Variants in ATP8A1 observed in about 807,000 individuals in gnomAD.
ATP8A1 encodes the protein ATPase phospholipid transporting 8A1.
Under a neutral mutation model 177.7 loss-of-function variants are expected in ATP8A1, and 90 were observed. The observed-to-expected ratio is 0.51, with a 90% confidence interval of 0.43 to 0.60. The LOEUF is 0.60. Among genes scored for constraint, ATP8A1 ranks in the 20% least tolerant of loss-of-function variants. The pLI is 0.00. For synonymous variants in ATP8A1, 493 were observed against 485.9 expected (o/e 1.01, Z -0.19); for missense variants, 1,072 against 1,392.8 (o/e 0.77, Z 3.67).
intron 6 of ATP8A1, 59 bp from the exon 7 acceptor site, chr4:42,590,943 A>C: frequency 7.1e-7 from 1 of 1,416,214 alleles, no homozygotes; most frequent in Non-Finnish European, 9.9e-7. Context: ...ACAGAGGAAA[A>C]AAAACAAACA....
intron 5 of ATP8A1, among the ~76,000 whole-genome samples, chr4:42,615,051 T>C (rs1736760687): frequency 6.6e-6 from 1 of 152,228 alleles, no homozygotes; most frequent in Non-Finnish European, 1.5e-5. Flanking sequence ...CTTTGTACTT[T>C]TACATGTTTT....
chr4:42,483,455 T>G (rs908411001), intron 25 of ATP8A1, among the ~76,000 whole-genome samples: 1 of 150,650 alleles, frequency 6.6e-6, no homozygotes, highest in Non-Finnish European at 1.5e-5. Context: ...GAAACATGCA[T>G]AAAACAGAAC....
chr4:42,622,969 A>C (rs1737643735), intron 4 of ATP8A1, among the ~76,000 whole-genome samples: 1 of 147,110 alleles, frequency 6.8e-6, no homozygotes, highest in African/African-American at 2.5e-5. Context: ...AGATCGCACC[A>C]CTGCACTCCA....
At chr4:42,603,729 C>T (rs954477210) in intron 5 of ATP8A1, among the ~76,000 whole-genome samples, 2 of 152,162 alleles carry the variant, frequency 1.3e-5, no homozygotes, top group African/African-American at 4.8e-5. Context: ...ATATCAGCAC[C>T]CCTAGTTCAA....
intron 33 of ATP8A1, among the ~76,000 whole-genome samples, chr4:42,435,026 C>T (rs1259864914): frequency 6.6e-6 from 1 of 152,174 alleles, no homozygotes; most frequent in African/African-American, 2.4e-5. Flanking sequence ...AAGTAACTTG[C>T]TTTGGATGAT....
At chr4:42,612,401 C>A (rs1736458078) in intron 5 of ATP8A1, among the ~76,000 whole-genome samples, 1 of 147,384 alleles carries the variant, frequency 6.8e-6, no homozygotes, top group African/African-American at 2.5e-5. Context: ...GTTGGACCTT[C>A]CCTCTGTAGT....
In ATP8A1 at chr4:42,557,065, C is replaced by T. The variant is rs142280029; in HGVS notation, c.1341-1025G>A. On this transcript the variant is annotated intron_variant, in intron 15 of 36. Transcript: ENST00000381668. ...TGAAAGGAGAGAACATACATAGTAT[C>T]TTCAATGAAACACATTTCTCCAGTA... is the stretch of plus-strand genomic sequence containing the variant. Among the ~76,000 whole-genome samples the T allele has an allele frequency of 2.6e-4, 40 of 152,268 alleles. No homozygotes were observed. In the East Asian group the frequency reaches 6.9e-3, roughly 26 times the overall value.
chr4:42,452,890 G>A (rs1477000533), intron 29 of ATP8A1, among the ~76,000 whole-genome samples: 3 of 152,180 alleles, frequency 2.0e-5, no homozygotes, highest in African/African-American at 7.2e-5. Context: ...GTTTTAAGCT[G>A]TTCAAACAAC....
At chr4:42,504,442 G>A (rs1049361619) in intron 23 of ATP8A1, among the ~76,000 whole-genome samples, 1 of 152,178 alleles carries the variant, frequency 6.6e-6, no homozygotes, top group African/African-American at 2.4e-5. Flanking sequence ...CGGATGCTAA[G>A]GCCAAAAACC....
At chr4:42,592,420 A>G (rs924389999) in intron 6 of ATP8A1, among the ~76,000 whole-genome samples, 1 of 152,142 alleles carries the variant, frequency 6.6e-6, no homozygotes, top group East Asian at 1.9e-4. Flanking sequence ...AAAATTTCCA[A>G]CTTAAAATTA....
At chr4:42,596,047 G>A (rs940234109) in intron 6 of ATP8A1, among the ~76,000 whole-genome samples, 4 of 152,186 alleles carry the variant, frequency 2.6e-5, no homozygotes, top group Non-Finnish European at 4.4e-5. Context: ...GAATGTCTAT[G>A]TTTAAGATCA....
At chr4:42,556,116 G>C in intron 15 of ATP8A1, 76 bp from the exon 16 acceptor site, 5 of 1,029,068 alleles carry the variant, frequency 4.9e-6, no homozygotes, top group Non-Finnish European at 7.3e-6. Context: ...TGTACTTTAT[G>C]AGTAAAGTGT....
At chr4:42,637,071 T>C (rs1165445715) in intron 1 of ATP8A1, 3 of 509,390 alleles carry the variant, frequency 5.9e-6, no homozygotes, top group Non-Finnish European at 7.8e-6. Context: ...ACCCATCTAA[T>C]GTAGGTGGGC....
chr4:42,448,396 C>CTTTACGTTTTTTTTTTT lies in ATP8A1; in HGVS notation c.2897-1753_2897-1752insAAAAAAAAAAACGTAAA, dbSNP rs778022629. 2.4e-5 allele frequency among the ~76,000 whole-genome samples: 2 copies of CTTTACGTTTTTTTTTTT among 84,132 alleles called. 1 individual carries two copies. Among genetic ancestry groups the CTTTACGTTTTTTTTTTT allele is most frequent in the Non-Finnish European group, 4.6e-5 (2 of 43,696 alleles). The allele number at this position is 84,132 out of a possible 152,430, so 55.2% of individuals were successfully genotyped here. On this transcript the variant is annotated intron_variant, in intron 30 of 36. Coordinates refer to ENST00000381668, the MANE Select transcript of ATP8A1 (RefSeq NM_006095.2). Reference sequence around the variant, plus strand: ...GTAGCCTCCCTCCCTCCTTCTCTTTCTTTTCTTTTTTTTTTTTTTGAGATG... The same window carrying CTTTACGTTTTTTTTTTT: ...GTAGCCTCCCTCCCTCCTTCTCTTTCTTTACGTTTTTTTTTTTTTTTCTTTTTTTTTTTTTTGAGATG...
At position 42,484,180 on chromosome 4, in the gene ATP8A1, A is replaced by T. The variant is rs1284401797; in HGVS notation, c.2324+1316T>A. On this transcript the variant is annotated intron_variant, in intron 25 of 36. Transcript: ENST00000381668. ...AGGAATCCAGCAAAATCACTGTAAA[A>T]GTAAATTTTAAAAAGCATGAGAATA... 7.2e-5 allele frequency among the ~76,000 whole-genome samples: 11 copies of T among 152,374 alleles called. No individual in the cohort carries two copies. In the East Asian group the frequency reaches 1.9e-3, roughly 27 times the overall value.
At chr4:42,630,260 T>G (rs1165231454) in intron 1 of ATP8A1, among the ~76,000 whole-genome samples, 3 of 152,186 alleles carry the variant, frequency 2.0e-5, no homozygotes, top group African/African-American at 7.2e-5. Context: ...TAAGATGGTA[T>G]TCCTTCTTAT....
rs143676812 is a variant in ATP8A1, at chr4:42,610,397, G to A, written c.409+5636C>T. 4.7e-4 allele frequency among the ~76,000 whole-genome samples: 72 copies of A among 152,094 alleles called. 1 individual carries two copies. The highest frequency in any genetic ancestry group is 1.6e-3 in the African/African-American group (68 of 41,466). On this transcript the variant is annotated intron_variant, in intron 5 of 36. Transcript: ENST00000381668. The stretch of plus-strand genomic sequence containing the variant: ...ACTTATTTGGGTTTGGCAAAAACAG[G>A]AGAGAGAAAAATTCCCATGAAAGCA...
chr4:42,588,385 A>G (rs1733838005), intron 7 of ATP8A1, 56 bp from the exon 8 acceptor site: 8 of 1,428,802 alleles, frequency 5.6e-6, no homozygotes, highest in Non-Finnish European at 6.9e-6. Flanking sequence ...AAGCATAATA[A>G]TAACTTATTT....
At chr4:42,510,249 T>C (rs1460967340) in intron 22 of ATP8A1, among the ~76,000 whole-genome samples, 2 of 152,232 alleles carry the variant, frequency 1.3e-5, no homozygotes, top group South Asian at 2.1e-4. Flanking sequence ...TTCAAGAAGA[T>C]AGCATTATTT....
Sources: gnomAD v4.1 joint callset for allele counts (sites outside exome capture counted in the v4.1 genomes callset) on GRCh38, gnomAD v4.1.1 for gene constraint, MANE v1.5 for transcripts, NCBI Gene and HGNC (gene_info 2026-07-23, HGNC 2026-07-21) for gene names.